Variants in PTPN1 observed in about 807,000 individuals in gnomAD.
PTPN1 encodes protein tyrosine phosphatase non-receptor type 1, also known as tyrosine-protein phosphatase non-receptor type 1.
A neutral mutation model predicts 59.9 loss-of-function variants in PTPN1; 12 were observed. The ratio of observed to expected loss-of-function variants is 0.20; its 90% CI spans 0.13 to 0.32. The LOEUF (loss-of-function observed/expected upper bound fraction) is 0.32. Among genes scored for constraint, PTPN1 ranks in the 10% least tolerant of loss-of-function variants. The probability of loss-of-function intolerance (pLI) is 1.00; values close to 1 mark genes in which losing one functional copy is unlikely to be tolerated. For missense variants in PTPN1, 356 were observed against 549.2 expected (o/e 0.65, Z 3.52); for synonymous variants, 178 against 203.6 (o/e 0.87, Z 1.07).
At chr20:50,552,208 C>T (rs929713528) in intron 1 of PTPN1, among the ~76,000 whole-genome samples, 8 of 152,068 alleles carry the variant, frequency 5.3e-5, no homozygotes, top group African/African-American at 1.7e-4. Context: ...TTGCGTAGGT[C>T]CTATCACCCC....
intron 1 of PTPN1, among the ~76,000 whole-genome samples, chr20:50,549,354 G>T (rs1029550254): frequency 6.6e-6 from 1 of 152,142 alleles, no homozygotes; most frequent in African/African-American, 2.4e-5. Flanking sequence ...CATTTTTCAT[G>T]CCCTCATTCC....
intron 1 of PTPN1, among the ~76,000 whole-genome samples, chr20:50,511,791 A>G (rs528631511): frequency 4.8e-4 from 73 of 152,356 alleles, no homozygotes; most frequent in African/African-American, 1.5e-3. Context: ...AGCGATATAC[A>G]GAATAGAGAG....
intron 1 of PTPN1, among the ~76,000 whole-genome samples, chr20:50,555,222 G>A (rs1172438228): frequency 6.6e-6 from 1 of 151,942 alleles, no homozygotes; most frequent in East Asian, 1.9e-4. Context: ...AACTGGCCAA[G>A]AAAAAAGAAA....
intron 5 of PTPN1, 144 bp downstream of exon 5, chr20:50,574,798 C>A: frequency 9.3e-7 from 1 of 1,072,456 alleles, no homozygotes; most frequent in Non-Finnish European, 1.3e-6. Flanking sequence ...CTGTGGTGAG[C>A]GGAGCTTACT....
chr20:50,525,824 TG>T (rs1240948212), intron 1 of PTPN1, among the ~76,000 whole-genome samples: 1 of 152,150 alleles, frequency 6.6e-6, no homozygotes, highest in Non-Finnish European at 1.5e-5. Flanking sequence ...ATGGAACATG[TG>T]GCAGAAGTAG....
intron 6 of PTPN1, 136 bp from the exon 7 acceptor site, chr20:50,579,032 C>G: frequency 9.6e-7 from 1 of 1,041,336 alleles, no homozygotes; most frequent in East Asian, 2.4e-5. Flanking sequence ...CCAGACACCT[C>G]CCACCCAGCC....
intron 1 of PTPN1, among the ~76,000 whole-genome samples, chr20:50,523,811 CAAAT>C (rs998799264): frequency 9.9e-5 from 15 of 152,208 alleles, no homozygotes; most frequent in Middle Eastern, 3.4e-3. Flanking sequence ...GCAGGCAAAA[CAAAT>C]AAAGGATAGT....
At chr20:50,526,223 T>A (rs1468953038) in intron 1 of PTPN1, among the ~76,000 whole-genome samples, 1 of 152,022 alleles carries the variant, frequency 6.6e-6, no homozygotes, top group African/African-American at 2.4e-5. Context: ...CTTCTGTTGT[T>A]GTATTTAATT....
Position 50,582,720 on chromosome 20 carries a change from A to G in PTPN1, c.*5A>G, listed in dbSNP as rs1601418072. On this transcript the variant is annotated 3_prime_UTR_variant, in exon 10 of 10. Coordinates refer to ENST00000371621, the MANE Select transcript of PTPN1 (RefSeq NM_002827.4). The surrounding 1 kb of genome is among the most constrained non-coding windows in gnomAD (Gnocchi z 4.2). ...CTGTTCAACAGCAACACATAGCCTG[A>G]CCCTCCTCCACTCCACCTCCACCCA... is the stretch of plus-strand genomic sequence containing the variant. The G allele has an allele frequency of 6.2e-7, 1 of 1,612,824 alleles. No homozygotes were observed. Among genetic ancestry groups the G allele is most frequent in the African/African-American group, 1.3e-5 (1 of 74,650 alleles).
chr20:50,550,751 G>A (rs185666451), intron 1 of PTPN1, among the ~76,000 whole-genome samples: 46 of 152,328 alleles, frequency 3.0e-4, no homozygotes, highest in African/African-American at 9.6e-4. Flanking sequence ...ACACTAAGAT[G>A]AGAGTCCAAA....
chr20:50,569,713 G>C (rs1267888263), intron 4 of PTPN1, among the ~76,000 whole-genome samples: 1 of 152,144 alleles, frequency 6.6e-6, no homozygotes, highest in Non-Finnish European at 1.5e-5. Context: ...TGTGTAGACT[G>C]TCTCTGTAGA....
chr20:50,529,117 C>G (rs2082590038), intron 1 of PTPN1, among the ~76,000 whole-genome samples: 1 of 152,174 alleles, frequency 6.6e-6, no homozygotes, highest in Non-Finnish European at 1.5e-5. Flanking sequence ...CGAAGCAGTC[C>G]ATGTCTTCAT....
chr20:50,522,920 ATTT>A (rs11287235), intron 1 of PTPN1, among the ~76,000 whole-genome samples: 8 of 140,378 alleles, frequency 5.7e-5, no homozygotes, highest in Admixed American at 7.1e-5. Context: ...TGCCCGGCTA[ATTT>A]TTTTTTTTTT....
Position 50,533,375 on chromosome 20 carries a change from T to TAC in PTPN1, c.63+22787_63+22788dup, listed in dbSNP as rs2082609739. The stretch of plus-strand genomic sequence containing the variant: ...ACCTTTTCATGGCAGTACATAACTG[T>TAC]ACAGAGGGCTTCCAACTTGTCTTGG... On this transcript the variant is annotated intron_variant, in intron 1 of 9. Coordinates refer to ENST00000371621, the MANE Select transcript of PTPN1 (RefSeq NM_002827.4). 2.0e-5 allele frequency among the ~76,000 whole-genome samples: 3 copies of TAC among 152,252 alleles called. No individual in the cohort carries two copies. The East Asian group carries it at 5.8e-4, about 29-fold the overall frequency.
chr20:50,533,699 C>A (rs561233518), intron 1 of PTPN1, among the ~76,000 whole-genome samples: 5 of 152,050 alleles, frequency 3.3e-5, no homozygotes, highest in Admixed American at 6.5e-5. Flanking sequence ...TGCCCCCCCC[C>A]AGAAAGGAAG....
intron 1 of PTPN1, among the ~76,000 whole-genome samples, chr20:50,554,584 A>G (rs970342775): frequency 6.6e-6 from 1 of 152,146 alleles, no homozygotes; most frequent in Non-Finnish European, 1.5e-5. Flanking sequence ...ATAGATAAAT[A>G]TGAAATATAT....
At chr20:50,520,092 C>T (rs893934717) in intron 1 of PTPN1, among the ~76,000 whole-genome samples, 5 of 152,168 alleles carry the variant, frequency 3.3e-5, no homozygotes, top group Non-Finnish European at 7.3e-5. Flanking sequence ...TTGATTCCGG[C>T]CGGGCATGGT....
intron 5 of PTPN1, chr20:50,577,947 G>A (rs2082845241): frequency 6.3e-6 from 1 of 158,822 alleles, no homozygotes; most frequent in African/African-American, 2.4e-5. Context: ...TTTCTCTAAA[G>A]TGACAATCCT....
Position 50,578,214 on chromosome 20 carries a change from G to A in PTPN1, c.493-206G>A, listed in dbSNP as rs139483380. Among the ~76,000 whole-genome samples, 773 of 152,302 alleles carry A rather than the reference G, an allele frequency of 5.1e-3. 7 individuals are homozygous for A. The highest frequency in any genetic ancestry group is 0.018 in the African/African-American group (743 of 41,570). ...GAAGGGAAATGAAGTCTAAGCAGGC[G>A]CACCCTGCAGGTTCAGTGTCAAGCC... On this transcript the variant is annotated intron_variant, in intron 5 of 9. Transcript: ENST00000371621.
Sources: allele counts gnomAD v4.1 joint callset (sites outside exome capture counted in the v4.1 genomes callset), GRCh38; gene constraint gnomAD v4.1.1; non-coding constraint Gnocchi (gnomAD v3.1); transcripts MANE v1.5; gene names NCBI Gene and HGNC (gene_info 2026-07-23, HGNC 2026-07-21).